The following SCYL3 variants were observed in gnomAD, a reference collection of about 807,000 sequenced individuals.
SCYL3 encodes the protein SCY1 like pseudokinase 3.
In SCYL3, 35 loss-of-function variants were observed where a neutral mutation model predicts 73.8. The observed-to-expected ratio is 0.47, with a 90% CI of 0.36 to 0.63. SCYL3 has a LOEUF of 0.63. Among genes scored for constraint, SCYL3 ranks in the 20% least tolerant of loss-of-function variants. The pLI is 0.00. For missense variants in SCYL3, 712 were observed against 798.9 expected, an observed-to-expected ratio of 0.89 and a Z score of 1.31; for synonymous variants, 277 against 295.2, an observed-to-expected ratio of 0.94 and a Z score of 0.63.
Position 169,854,371 on chromosome 1 carries a change from GAA to G in SCYL3, c.1904_1905del (p.Phe635SerfsTer5). On this transcript the variant is annotated frameshift_variant, in exon 12 of 13. Coordinates refer to ENST00000367771, the MANE Select transcript of SCYL3 (RefSeq NM_020423.7). LOFTEE classifies it high-confidence loss of function. ...MIPEIKPSAA[F>X]LILPELRTEM... The stretch of plus-strand genomic sequence containing the variant: ...TCTGTCCTCAGTTCAGGTAATATAA[GAA>G]AAGCAGCAGAAGGCTTAATTTCTGG... 6.2e-7 allele frequency: 1 copy of G among 1,614,028 alleles called. No homozygotes were observed. The highest frequency in any genetic ancestry group is 8.5e-7 in the Non-Finnish European group (1 of 1,179,942).
intron 2 of SCYL3, among the ~76,000 whole-genome samples, 193 bp from the exon 3 acceptor site, chr1:169,879,012 T>C (rs1313646319): frequency 6.6e-6 from 1 of 152,228 alleles, no homozygotes; most frequent in Non-Finnish European, 1.5e-5. Flanking sequence ...TTCAATTTAC[T>C]AATATTTAAA....
At chr1:169,890,531 C>T (rs1043137582) in intron 1 of SCYL3, among the ~76,000 whole-genome samples, 4 of 152,146 alleles carry the variant, frequency 2.6e-5, no homozygotes, top group African/African-American at 9.7e-5. Context: ...CGGTGAAATT[C>T]CATACAACAC....
At chr1:169,854,032 C>CTTTT (rs987786436) in intron 12 of SCYL3, 2 of 560,712 alleles carry the variant, frequency 3.6e-6, no homozygotes, top group East Asian at 6.0e-5. Flanking sequence ...ATTTTAATCC[C>CTTTT]TTTTTTTTCT....
intron 2 of SCYL3, among the ~76,000 whole-genome samples, chr1:169,883,714 ATTT>A (rs11311295): frequency 0.08 from 7,962 of 100,072 alleles, 222 homozygotes; most frequent in Non-Finnish European, 0.11. Context: ...CTCCAATTAC[ATTT>A]TTTTTTTTTT....
chr1:169,885,251 C>A (rs543987393), intron 2 of SCYL3, among the ~76,000 whole-genome samples: 1 of 152,274 alleles, frequency 6.6e-6, no homozygotes, highest in South Asian at 2.1e-4. Flanking sequence ...AAACAGGGAT[C>A]TTAAGTATGA....
Position 169,854,774 on chromosome 1 carries a change from A to G in SCYL3, c.1503T>C (p.Asp501=), listed in dbSNP as rs55686910. The G allele has an allele frequency of 2.5e-4, 410 of 1,614,036 alleles. 1 individual carries two copies. The African/African-American group carries it at 4.9e-3, about 19-fold the overall frequency. Residue 501 remains aspartate (D), a synonymous_variant, in exon 12 of 13, where the codon GAT becomes GAC. Transcript: ENST00000367771. ...CCAAGGTAGTGCACTGGGACTTGAC[A>G]TCATCACAAGGTTCTCTAGGCCAAA... ...IQIWPREPCD[D]VKSQCTTLDV... is the part of the protein sequence containing the mutation.
In SCYL3 at chr1:169,856,154, T is replaced by A. The variant is rs550478864; in HGVS notation, c.1313-1190A>T. 5.9e-5 allele frequency among the ~76,000 whole-genome samples: 9 copies of A among 152,290 alleles called. No homozygotes were observed. The South Asian group carries it at 1.9e-3, about 32-fold the overall frequency. ...TGGACTGCCTGTCCCTAGAGGTGTT[T>A]AAGAACAGGCTGTGTCCACTCCATG... On this transcript the variant is annotated intron_variant, in intron 11 of 12. Transcript: ENST00000367771.
At chr1:169,889,832 C>T (rs1444938146) in intron 1 of SCYL3, among the ~76,000 whole-genome samples, 1 of 152,106 alleles carries the variant, frequency 6.6e-6, no homozygotes, top group Non-Finnish European at 1.5e-5. Flanking sequence ...GTATCAATTA[C>T]GCCTCAAAGT....
chr1:169,858,215 ATT>A (rs1002947629), intron 11 of SCYL3, among the ~76,000 whole-genome samples: 33 of 152,336 alleles, frequency 2.2e-4, no homozygotes, highest in African/African-American at 7.9e-4. Flanking sequence ...GTACCAAAAT[ATT>A]TTCTTATATC....
Position 169,853,578 on chromosome 1 carries a change from G to T in SCYL3, c.*135C>A. On this transcript the variant is annotated 3_prime_UTR_variant, in exon 13 of 13. Transcript: ENST00000367771. ...TCAGTCTCCTACTTCAGTTGGCACA[G>T]ACTGGATAATGAGCTCCTGGGATGG... 1 of 886,220 alleles carries T rather than the reference G, an allele frequency of 1.1e-6. No homozygotes were observed. Among genetic ancestry groups the T allele is most frequent in the Non-Finnish European group, 1.8e-6 (1 of 564,962 alleles). The allele number at this position is 886,220 out of a possible 1,614,324, so 54.9% of individuals were successfully genotyped here.
Position 169,850,219 on chromosome 1 carries a change from G to C in SCYL3, c.*3494C>G, listed in dbSNP as rs1057251978. 7.7e-7 allele frequency: 1 copy of C among 1,292,548 alleles called. No individual in the cohort carries two copies. Among genetic ancestry groups the C allele is most frequent in the Non-Finnish European group, 1.1e-6 (1 of 899,880 alleles). The allele number at this position is 1,292,548 out of a possible 1,614,324, so 80.1% of individuals were successfully genotyped here. On this transcript the variant is annotated 3_prime_UTR_variant, in exon 13 of 13. Transcript: ENST00000367771. ...AAAACTCATCTATTTGTCTTTGCAAGTTGTTGAAATGTTAAAATTGGTCTT... is the reference window on the plus strand; with the variant it reads ...AAAACTCATCTATTTGTCTTTGCAACTTGTTGAAATGTTAAAATTGGTCTT...
At position 169,863,777 on chromosome 1, in the gene SCYL3, C is replaced by T. The variant is rs184326212; in HGVS notation, c.955+592G>A. Among the ~76,000 whole-genome samples, 626 of 152,284 alleles carry T rather than the reference C, an allele frequency of 4.1e-3. 5 individuals carry two copies. Among genetic ancestry groups the T allele is most frequent in the African/African-American group, 0.013 (556 of 41,570 alleles). Reference sequence around the variant, plus strand: ...AGTAGAGATATAAGGAAATTCTAAACTGTAACAATGCTTTGTTGGACTGAG... The same window carrying T: ...AGTAGAGATATAAGGAAATTCTAAATTGTAACAATGCTTTGTTGGACTGAG... On this transcript the variant is annotated intron_variant, in intron 9 of 12. Coordinates refer to ENST00000367771, the MANE Select transcript of SCYL3 (RefSeq NM_020423.7).
At chr1:169,866,754 A>G in intron 8 of SCYL3, 142 bp downstream of exon 8, 1 of 609,726 alleles carries the variant, frequency 1.6e-6, no homozygotes, top group Non-Finnish European at 2.9e-6. Flanking sequence ...ACCAGGGCCT[A>G]GCAGAAAGCC....
intron 1 of SCYL3, among the ~76,000 whole-genome samples, chr1:169,892,386 G>A (rs1227851075): frequency 6.6e-6 from 1 of 152,128 alleles, no homozygotes; most frequent in East Asian, 1.9e-4. Context: ...AGCCTCCCTA[G>A]TTGCTGAGAT....
At chr1:169,878,875 T>A (rs1661048730) in intron 2 of SCYL3, 56 bp from the exon 3 acceptor site, 1 of 1,449,158 alleles carries the variant, frequency 6.9e-7, no homozygotes, top group African/African-American at 1.4e-5. Flanking sequence ...AGATTATAGT[T>A]TCATATACAT....
chr1:169,890,545 C>T (rs1452070643), intron 1 of SCYL3, among the ~76,000 whole-genome samples: 3 of 152,200 alleles, frequency 2.0e-5, no homozygotes, highest in African/African-American at 7.2e-5. Context: ...ACAACACCTT[C>T]TACACTGGGT....
chr1:169,893,518 G>C (rs1382145355), intron 1 of SCYL3, among the ~76,000 whole-genome samples: 3 of 152,132 alleles, frequency 2.0e-5, no homozygotes, highest in Admixed American at 1.3e-4. Context: ...GGCCGCCTTG[G>C]AGAGCTCTGG....
chr1:169,854,005 G>T, intron 12 of SCYL3: 1 of 598,372 alleles, frequency 1.7e-6, no homozygotes, highest in Non-Finnish European at 2.9e-6. Context: ...AATCAGTGTG[G>T]ATGACACCAA....
At position 169,849,998 on chromosome 1, in the gene SCYL3, G is replaced by A. The variant is rs1657904192; in HGVS notation, c.*3715C>T. On this transcript the variant is annotated 3_prime_UTR_variant, in exon 13 of 13. Coordinates refer to ENST00000367771, the MANE Select transcript of SCYL3 (RefSeq NM_020423.7). ...CTCCTTTACTCTTACTGCATTTGCT[G>A]TATAGTCATGCCTATGATCATAAGG... The A allele has an allele frequency of 8.0e-6, 4 of 501,490 alleles. No individual in the cohort carries two copies. Among genetic ancestry groups the A allele is most frequent in the African/African-American group, 5.7e-5 (3 of 52,232 alleles). 31.1% of individuals were successfully genotyped at this position (501,490 alleles called of 1,614,324 possible).
Sources: gnomAD v4.1 joint callset for allele counts (sites outside exome capture counted in the v4.1 genomes callset) on GRCh38, gnomAD v4.1.1 for gene constraint, MANE v1.5 for transcripts, NCBI Gene and HGNC (gene_info 2026-07-23, HGNC 2026-07-21) for gene names.